KDM4B: variants seen among roughly 807,000 people sequenced by gnomAD.
KDM4B encodes lysine demethylase 4B, also known as lysine-specific demethylase 4B.
In KDM4B, 32 loss-of-function variants were observed where a neutral mutation model predicts 125.2. That is an observed-to-expected ratio of 0.26 (90% CI 0.19 to 0.34). The LOEUF is 0.34. Ranked by LOEUF, KDM4B falls within the 10% of genes least tolerant of loss-of-function variation. The pLI, the probability that KDM4B is intolerant of heterozygous loss-of-function variation, is 1.00. For synonymous variants in KDM4B, 721 were observed against 677.9 expected (o/e 1.06, Z -0.99); for missense variants, 1,190 against 1,577.7 (o/e 0.75, Z 4.16).
intron 1 of KDM4B, among the ~76,000 whole-genome samples, chr19:4,982,309 A>G (rs1568204646): frequency 6.6e-6 from 1 of 151,358 alleles, no homozygotes; most frequent in Admixed American, 6.6e-5. Context: ...AAAAAAAGCC[A>G]GACGCAGTGG....
chr19:5,110,928 C>T (rs967538901), intron 10 of KDM4B, 110 bp downstream of exon 10: 2 of 842,284 alleles, frequency 2.4e-6, no homozygotes, highest in Admixed American at 3.0e-5. Flanking sequence ...TGTCCCACTC[C>T]TCCCTTTCTT....
chr19:4,978,839 C>T (rs1413379316), intron 1 of KDM4B, among the ~76,000 whole-genome samples: 1 of 152,210 alleles, frequency 6.6e-6, no homozygotes, highest in East Asian at 1.9e-4. Flanking sequence ...GTAGCCACAC[C>T]CTGGGTCCCT....
At position 5,068,245 on chromosome 19, in the gene KDM4B, G is replaced by A. The variant is rs182744013; in HGVS notation, c.627-2765G>A. The stretch of plus-strand genomic sequence containing the variant: ...GCTGAGACGCCCCTCTGGGAGGCCC[G>A]AAGGCTCCCTGAGTCTCTTGTCCTG... On this transcript the variant is annotated intron_variant, in intron 6 of 22. Transcript: ENST00000159111. Among the ~76,000 whole-genome samples the A allele has an allele frequency of 1.2e-3, 180 of 152,266 alleles. 3 individuals are homozygous for A. The East Asian group carries it at 0.027, about 23-fold the overall frequency.
intron 1 of KDM4B, among the ~76,000 whole-genome samples, chr19:5,007,465 A>G (rs2035595698): frequency 6.6e-6 from 1 of 151,590 alleles, no homozygotes; most frequent in African/African-American, 2.4e-5. Context: ...TATTCTGCAT[A>G]CAAGTTCCTT....
intron 10 of KDM4B, chr19:5,119,039 A>G (rs2039309364): frequency 1.2e-6 from 1 of 813,376 alleles, no homozygotes; most frequent in Non-Finnish European, 2.0e-6. Context: ...TTGGGGACAG[A>G]GCCAGGTGGC....
At chr19:5,097,512 C>G (rs2038850584) in intron 9 of KDM4B, among the ~76,000 whole-genome samples, 2 of 152,224 alleles carry the variant, frequency 1.3e-5, no homozygotes, top group Admixed American at 1.3e-4. Flanking sequence ...CTTGGCCTCC[C>G]AAAGCACTGA....
chr19:5,110,771 C>T lies in KDM4B; in HGVS notation c.1068C>T (p.Ser356=), dbSNP rs1311886284. 2.4e-5 allele frequency: 38 copies of T among 1,608,178 alleles called. No homozygotes were observed. Among genetic ancestry groups the T allele is most frequent in the Non-Finnish European group, 3.1e-5 (37 of 1,177,614 alleles). Residue 356 remains serine (S), a synonymous_variant, in exon 10 of 23, where the codon AGC becomes AGT. Coordinates refer to ENST00000159111, the MANE Select transcript of KDM4B (RefSeq NM_015015.3). ...RPTALTSPEL[S]SWSASRASLK... is the part of the protein sequence containing the mutation. ...CGGCGCTCACCAGCCCCGAGCTGAGCTCCTGGAGTGCATCCCGGGCCTCGC... is the reference window on the plus strand; with the variant it reads ...CGGCGCTCACCAGCCCCGAGCTGAGTTCCTGGAGTGCATCCCGGGCCTCGC...
At chr19:5,108,088 A>G (rs1479813670) in intron 9 of KDM4B, among the ~76,000 whole-genome samples, 1 of 152,246 alleles carries the variant, frequency 6.6e-6, no homozygotes, top group Non-Finnish European at 1.5e-5. Context: ...AAGGGGGCTC[A>G]GGCCGTGCTC....
rs182172995 is a variant in KDM4B at position 5,007,454 on chromosome 19, A to G, written c.-108-8803A>G. Among the ~76,000 whole-genome samples the G allele has an allele frequency of 2.6e-5, 4 of 151,536 alleles. No homozygotes were observed. In the East Asian group the frequency reaches 7.7e-4, roughly 29 times the overall value. On this transcript the variant is annotated intron_variant, in intron 1 of 22. Transcript: ENST00000159111. The stretch of plus-strand genomic sequence containing the variant: ...TTGTTGAGTTGCAAGAGTTGTTGAC[A>G]TATTCTGCATACAAGTTCCTTATCA...
At position 5,142,390 on chromosome 19, in the gene KDM4B, G is replaced by A. The variant is rs371561937; in HGVS notation, c.2551-1577G>A. 4.9e-4 allele frequency among the ~76,000 whole-genome samples: 74 copies of A among 152,328 alleles called. No individual in the cohort carries two copies. Among genetic ancestry groups the A allele is most frequent in the African/African-American group, 1.7e-3 (70 of 41,584 alleles). ...GGCGTGACTGGACCTCGCCTTAGTA[G>A]GGGTGGCTCTGGGCAACCTCGGCCC... is the stretch of plus-strand genomic sequence containing the variant. On this transcript the variant is annotated intron_variant, in intron 18 of 22. Coordinates refer to ENST00000159111, the MANE Select transcript of KDM4B (RefSeq NM_015015.3). This position sits in a 1 kb window ranked among gnomAD's most constrained non-coding sequence, Gnocchi z 5.4.
chr19:5,144,622 A>T (rs900719232), intron 20 of KDM4B, among the ~76,000 whole-genome samples, 161 bp from the exon 21 acceptor site: 2 of 152,196 alleles, frequency 1.3e-5, no homozygotes, highest in Non-Finnish European at 2.9e-5. Flanking sequence ...AGCGACCCGC[A>T]GCCAGGGCTC....
intron 2 of KDM4B, among the ~76,000 whole-genome samples, chr19:5,027,026 T>C (rs947509986): frequency 1.1e-4 from 17 of 152,206 alleles, no homozygotes; most frequent in Admixed American, 7.2e-4. Context: ...AGGCCTCCTT[T>C]GGCCCAGCTG....
chr19:5,026,533 G>A (rs2036284151), intron 2 of KDM4B, among the ~76,000 whole-genome samples: 1 of 152,110 alleles, frequency 6.6e-6, no homozygotes, highest in Admixed American at 6.5e-5. Context: ...TTGTTAATTA[G>A]TAGTCTTCCA....
intron 12 of KDM4B, 111 bp downstream of exon 12, chr19:5,131,656 A>AGG: frequency 5.7e-6 from 2 of 349,242 alleles, no homozygotes; most frequent in Non-Finnish European, 9.8e-6. Flanking sequence ...GGCAGGGAGG[A>AGG]GGGGACAGGA....
intron 1 of KDM4B, among the ~76,000 whole-genome samples, chr19:4,978,111 A>G (rs1456006019): frequency 1.3e-5 from 2 of 152,162 alleles, no homozygotes; most frequent in African/African-American, 2.4e-5. Flanking sequence ...ACTTGAGTCA[A>G]GCCTCTGGAA....
chr19:5,064,596 C>T (rs79484674), intron 6 of KDM4B, among the ~76,000 whole-genome samples: 4 of 152,218 alleles, frequency 2.6e-5, no homozygotes, highest in East Asian at 1.9e-4. Context: ...GAAAGCTACA[C>T]GAATCTTAAA....
chr19:5,013,512 A>T (rs1159290834), intron 1 of KDM4B, among the ~76,000 whole-genome samples: 2 of 152,176 alleles, frequency 1.3e-5, no homozygotes, highest in Non-Finnish European at 2.9e-5. Flanking sequence ...GGCTAAAATC[A>T]TGATGTGGGC....
chr19:5,060,015 TC>T (rs1196741420), intron 6 of KDM4B, among the ~76,000 whole-genome samples: 1 of 152,142 alleles, frequency 6.6e-6, no homozygotes, highest in Non-Finnish European at 1.5e-5. Flanking sequence ...TGCTGCCTCC[TC>T]CCCACAGCCT....
At chr19:5,138,397 G>A (rs751693573) in intron 18 of KDM4B, 4 of 330,612 alleles carry the variant, frequency 1.2e-5, no homozygotes, top group Admixed American at 4.6e-5. Context: ...CAGAGGCACC[G>A]CACGTGCCCC....
Sources: allele counts gnomAD v4.1 joint callset (sites outside exome capture counted in the v4.1 genomes callset), GRCh38; gene constraint gnomAD v4.1.1; non-coding constraint Gnocchi (gnomAD v3.1); transcripts MANE v1.5; gene names NCBI Gene and HGNC (gene_info 2026-07-23, HGNC 2026-07-21).